CPZ: variants seen among roughly 807,000 people sequenced by gnomAD.
CPZ encodes carboxypeptidase Z.
A neutral mutation model predicts 61.8 loss-of-function variants in CPZ; 103 were observed. That is an observed-to-expected ratio of 1.67 (90% confidence interval 1.42 to 1.96). The LOEUF (loss-of-function observed/expected upper bound fraction) is 1.96, where lower values mean the gene tolerates loss of function less well. Among genes scored for constraint, CPZ ranks in the 30% most tolerant of loss-of-function variants. The pLI, the probability that CPZ is intolerant of heterozygous loss-of-function variation, is 0.00. For missense variants in CPZ, 1,461 were observed against 914.9 expected (o/e 1.60, Z -7.70); for synonymous variants, 551 against 373.7 (o/e 1.47, Z -5.47).
chr4:8,619,679 T>G lies in CPZ; in HGVS notation c.*62T>G, dbSNP rs1577134018. ...GGCCCATCTCCGCATCCCGGGCTCC[T>G]GGCTCTTGATTTTGTCTGCCACAGA... On this transcript the variant is annotated 3_prime_UTR_variant, in exon 11 of 11. Transcript: ENST00000360986. 2.3e-6 allele frequency: 3 copies of G among 1,289,908 alleles called. No homozygotes were observed. Among genetic ancestry groups the G allele is most frequent in the African/African-American group, 1.5e-5 (1 of 66,628 alleles). The allele number at this position is 1,289,908 out of a possible 1,614,324, so 79.9% of individuals were successfully genotyped here. A position where few individuals can be genotyped will look rare whatever the true frequency, so the allele number is the denominator to read the frequency against.
intron 7 of CPZ, among the ~76,000 whole-genome samples, chr4:8,607,980 G>A (rs144296117): frequency 6.6e-6 from 1 of 152,174 alleles, no homozygotes; most frequent in African/African-American, 2.4e-5. Flanking sequence ...GTAGAGCAGC[G>A]GGCGATGAGA....
chr4:8,606,104 C>G lies in CPZ; in HGVS notation c.825C>G (p.Arg275=). 1 of 1,614,188 alleles carries G rather than the reference C, an allele frequency of 6.2e-7. No individual in the cohort carries two copies. The highest frequency in any genetic ancestry group is 1.3e-5 in the African/African-American group (1 of 75,050). The change falls in exon 5 of 11, where the codon CGC becomes CGG. Residue 275 remains arginine (R), a synonymous_variant. Coordinates refer to ENST00000360986, the MANE Select transcript of CPZ (RefSeq NM_001014447.3). Reference sequence around the variant, plus strand: ...CTGAGTACCTGCTTGGTAACCCCCGCATCCAGCGCCTGCTCAACACCACCC... The same window carrying G: ...CTGAGTACCTGCTTGGTAACCCCCGGATCCAGCGCCTGCTCAACACCACCC... ...LCSEYLLGNP[R]IQRLLNTTRI... is the part of the protein sequence containing the mutation.
chr4:8,606,274 T>G, intron 5 of CPZ, 89 bp downstream of exon 5: 1 of 1,300,502 alleles, frequency 7.7e-7, no homozygotes, highest in Non-Finnish European at 1.1e-6. Flanking sequence ...CCAGCAGTGC[T>G]TCGTTCCTGC....
intron 3 of CPZ, chr4:8,603,469 A>C (rs1464976110): frequency 1.4e-5 from 2 of 141,078 alleles, no homozygotes; most frequent in African/African-American, 2.7e-5. Flanking sequence ...TCACTGTTGT[A>C]CCGATGAGGT....
chr4:8,618,527 AGGTGAGCACGTCCCTGGCTGTCCCCT>A lies in CPZ; in HGVS notation c.1603+2_1603+27del. The A allele has an allele frequency of 3.1e-6, 5 of 1,613,264 alleles. No individual in the cohort carries two copies. Among genetic ancestry groups the A allele is most frequent in the Non-Finnish European group, 4.2e-6 (5 of 1,179,842 alleles). On this transcript the variant is annotated splice_donor_variant and splice_donor_5th_base_variant and coding_sequence_variant and intron_variant, in exon 10 of 11. Transcript: ENST00000360986. LOFTEE classifies it high-confidence loss of function. ...AAGGCATTCGCCACGACATCACCAC[AGGTGAGCACGTCCCTGGCTGTCCCCT>A]GGGGACCACGTCTGCCAAGGAAATG...
intron 7 of CPZ, among the ~76,000 whole-genome samples, chr4:8,608,802 G>C (rs1715275529): frequency 6.6e-6 from 1 of 151,928 alleles, no homozygotes; most frequent in South Asian, 2.1e-4. Context: ...AGGGGCACTG[G>C]AGGCACAGGC....
chr4:8,611,101 CACTCACTCACTG>C (rs1018042699), intron 7 of CPZ: 13 of 413,926 alleles, frequency 3.1e-5, no homozygotes, highest in Admixed American at 1.0e-4. Flanking sequence ...CTCACTCACT[CACTCACTCACTG>C]GGCCCTGCCT....
intron 9 of CPZ, 29 bp downstream of exon 9, chr4:8,614,527 T>A: frequency 6.2e-7 from 1 of 1,607,730 alleles, no homozygotes; most frequent in East Asian, 2.2e-5. Flanking sequence ...AGGGCTCTGG[T>A]CCAGCTGTGG....
intron 9 of CPZ, among the ~76,000 whole-genome samples, chr4:8,615,762 C>A (rs796996933): frequency 6.6e-6 from 1 of 152,204 alleles, no homozygotes; most frequent in Non-Finnish European, 1.5e-5. Flanking sequence ...CTGCTTCTTC[C>A]CAAGCCCTCT....
At chr4:8,595,008 G>A (rs1438750422) in intron 1 of CPZ, among the ~76,000 whole-genome samples, 4 of 152,144 alleles carry the variant, frequency 2.6e-5, no homozygotes, top group Admixed American at 6.5e-5. Context: ...TCCTGACCCC[G>A]TGATCCACCC....
At chr4:8,598,925 G>T (rs1354796463) in intron 1 of CPZ, among the ~76,000 whole-genome samples, 1 of 152,236 alleles carries the variant, frequency 6.6e-6, no homozygotes, top group African/African-American at 2.4e-5. Context: ...CCACACCCTG[G>T]TGGTGTCCTT....
In CPZ at chr4:8,601,272, G is replaced by A. The variant is rs773066083; in HGVS notation, c.271G>A (p.Gly91Ser). 1.6e-5 allele frequency: 26 copies of A among 1,613,600 alleles called. No homozygotes were observed. Among genetic ancestry groups the A allele is most frequent in the East Asian group, 2.2e-5 (1 of 44,874 alleles). ...GAGCGTTCTACACCAGCTCCTGGAA[G>A]GCCAGTGCAACCCGGACCTGCGGCT... ...LLSVLHQLLE[G>S]QCNPDLRLLG... Residue 91 changes from glycine (G) to serine (S), a missense_variant, in exon 3 of 11, where the codon GGC becomes AGC. Physicochemically the swap from Gly to Ser is moderately conservative, Grantham distance 56 (BLOSUM62 0). Coordinates refer to ENST00000360986, the MANE Select transcript of CPZ (RefSeq NM_001014447.3).
Position 8,618,446 on chromosome 4 carries a change from A to G in CPZ, c.1521A>G (p.Lys507=), listed in dbSNP as rs928497561. 2 of 1,610,942 alleles carry G rather than the reference A, an allele frequency of 1.2e-6. No individual in the cohort carries two copies. Among genetic ancestry groups the G allele is most frequent in the Non-Finnish European group, 1.7e-6 (2 of 1,178,304 alleles). ...NFVETVHRGI[K]GVVTDKFGKP... ...CTCTTCAGGTGCACCGGGGCATCAA[A>G]GGTGTGGTGACAGATAAATTCGGCA... is the stretch of plus-strand genomic sequence containing the variant. The change falls in exon 10 of 11, where the codon AAA becomes AAG. Residue 507 remains lysine, a synonymous_variant. Coordinates refer to ENST00000360986, the MANE Select transcript of CPZ (RefSeq NM_001014447.3).
At chr4:8,606,656 CAGCCCAGCGTG>C in intron 5 of CPZ, 70 bp from the exon 6 acceptor site, 1 of 1,567,682 alleles carries the variant, frequency 6.4e-7, no homozygotes, top group Non-Finnish European at 8.8e-7. Flanking sequence ...CCTTGACCCT[CAGCCCAGCGTG>C]AGACCCATCT....
chr4:8,592,941 C>T lies in CPZ; in HGVS notation c.88+20C>T. On this transcript the variant is annotated intron_variant, in intron 1 of 10. Transcript: ENST00000360986. Reference sequence around the variant, plus strand: ...CCGCCGGTAAGGCCGTCCCCTGCCCCCACCCTCCACCCTCCACCCTGCAAC... The same window carrying T: ...CCGCCGGTAAGGCCGTCCCCTGCCCTCACCCTCCACCCTCCACCCTGCAAC... 1 of 1,467,112 alleles carries T rather than the reference C, an allele frequency of 6.8e-7. No homozygotes were observed. The highest frequency in any genetic ancestry group is 9.2e-7 in the Non-Finnish European group (1 of 1,086,634). The allele number at this position is 1,467,112 out of a possible 1,614,324, so 90.9% of individuals were successfully genotyped here.
At chr4:8,607,900 T>C (rs190057319) in intron 7 of CPZ, among the ~76,000 whole-genome samples, 9 of 152,298 alleles carry the variant, frequency 5.9e-5, no homozygotes, top group African/African-American at 1.7e-4. Flanking sequence ...GAAGGAGTTC[T>C]GGTCCCACCG....
At chr4:8,593,193 T>C (rs1713925870) in intron 1 of CPZ, among the ~76,000 whole-genome samples, 1 of 152,106 alleles carries the variant, frequency 6.6e-6, no homozygotes, top group Non-Finnish European at 1.5e-5. Flanking sequence ...GGGTGAGATC[T>C]TTTTCCTGTC....
intron 4 of CPZ, among the ~76,000 whole-genome samples, chr4:8,604,796 T>G (rs967914534): frequency 6.6e-6 from 1 of 152,264 alleles, no homozygotes; most frequent in African/African-American, 2.4e-5. Context: ...CCCTTGGTCA[T>G]CACCAGTTAC....
rs558335965 is a variant in CPZ, at chr4:8,596,601, C to T, written c.89-2852C>T. Among the ~76,000 whole-genome samples the T allele has an allele frequency of 4.3e-4, 65 of 152,342 alleles. 2 individuals carry two copies. In the South Asian group the frequency reaches 0.012, roughly 29 times the overall value. On this transcript the variant is annotated intron_variant, in intron 1 of 10. Coordinates refer to ENST00000360986, the MANE Select transcript of CPZ (RefSeq NM_001014447.3). ...GTTGAGCATTCACTGGGCACCTCAC[C>T]CTCCTGTTGTATTAATCTTGATGGA...
Sources: gnomAD v4.1 joint callset for allele counts (sites outside exome capture counted in the v4.1 genomes callset) on GRCh38, gnomAD v4.1.1 for gene constraint, MANE v1.5 for transcripts, NCBI Gene and HGNC (gene_info 2026-07-23, HGNC 2026-07-21) for gene names.